GPHN: variants seen among roughly 807,000 people sequenced by gnomAD.
The protein encoded by GPHN is gephyrin.
Under a neutral mutation model 95.5 loss-of-function variants are expected in GPHN, and 17 were observed. The ratio of observed to expected loss-of-function variants is 0.18; its 90% confidence interval spans 0.12 to 0.27. The LOEUF is 0.27. Among genes scored for constraint, GPHN ranks in the 10% least tolerant of loss-of-function variants. The pLI is 1.00. For synonymous variants in GPHN, 320 were observed against 322.5 expected (o/e 0.99, Z 0.08); for missense variants, 660 against 978.1 (o/e 0.67, Z 4.34).
At chr14:67,026,624 C>T (rs1398861935) in intron 10 of GPHN, among the ~76,000 whole-genome samples, 1 of 151,946 alleles carries the variant, frequency 6.6e-6, no homozygotes, top group Admixed American at 6.6e-5. Flanking sequence ...GATTTTATAG[C>T]CCACATTTTT....
At chr14:66,652,365 G>A (rs1477384820) in intron 1 of GPHN, among the ~76,000 whole-genome samples, 7 of 151,856 alleles carry the variant, frequency 4.6e-5, no homozygotes, top group Admixed American at 6.6e-5. Flanking sequence ...AAGCAAATGC[G>A]TGTATACAAA....
the GPHN span, chr14:67,320,085 T>C: frequency 3.4e-6 from 2 of 587,230 alleles, no homozygotes; most frequent in South Asian, 6.8e-5. Flanking sequence ...TATTGTTGTC[T>C]GATTCATTTT....
At position 66,601,933 on chromosome 14, in the gene GPHN, C is replaced by A. The variant is rs185417778; in HGVS notation, c.65-79174C>A. The stretch of plus-strand genomic sequence containing the variant: ...GAGGGAATATTTTAAACCAAATATT[C>A]TAACTTCAATAGGCATCATAGTGAT... On this transcript the variant is annotated intron_variant, in intron 1 of 22. Coordinates refer to ENST00000478722, the MANE Select transcript of GPHN (RefSeq NM_020806.5). Among the ~76,000 whole-genome samples, 456 of 152,062 alleles carry A rather than the reference C, an allele frequency of 3.0e-3. 3 individuals are homozygous for A. Among genetic ancestry groups the A allele is most frequent in the African/African-American group, 0.011 (438 of 41,532 alleles).
At chr14:67,281,893 A>T in the GPHN span, among the ~76,000 whole-genome samples, 3 of 151,770 alleles carry the variant, frequency 2.0e-5, no homozygotes, top group Non-Finnish European at 4.4e-5. Context: ...GGATACCTCT[A>T]TTCCAATGTG....
At chr14:67,555,029 C>G in the GPHN span, among the ~76,000 whole-genome samples, 1 of 152,166 alleles carries the variant, frequency 6.6e-6, no homozygotes, top group East Asian at 1.9e-4. Flanking sequence ...CCGCCTGCCT[C>G]AGCCTCCTGA....
intron 8 of GPHN, among the ~76,000 whole-genome samples, chr14:66,935,956 A>G (rs1159938987): frequency 6.6e-6 from 1 of 152,174 alleles, no homozygotes; most frequent in Non-Finnish European, 1.5e-5. Context: ...CTGAACTGGT[A>G]TTCAAGTCTA....
the GPHN span, among the ~76,000 whole-genome samples, chr14:67,288,001 G>A: frequency 6.6e-6 from 1 of 152,108 alleles, no homozygotes; most frequent in Admixed American, 6.5e-5. Context: ...GGCTGTCTAT[G>A]GCTGCTTGTT....
the GPHN span, among the ~76,000 whole-genome samples, chr14:67,601,429 C>T: frequency 1.3e-5 from 2 of 152,120 alleles, no homozygotes; most frequent in African/African-American, 2.4e-5. Context: ...CCTGGGAGTT[C>T]TGTCTCCCAA....
intron 11 of GPHN, among the ~76,000 whole-genome samples, chr14:67,063,938 G>A (rs1719975510): frequency 6.6e-6 from 1 of 152,092 alleles, no homozygotes; most frequent in African/African-American, 2.4e-5. Context: ...TCTTTTGCCT[G>A]ATTGTCCCTG....
At chr14:67,621,676 C>T in the GPHN span, among the ~76,000 whole-genome samples, 1 of 151,766 alleles carries the variant, frequency 6.6e-6, no homozygotes, top group African/African-American at 2.4e-5. Flanking sequence ...AACTCCTGAC[C>T]TCAGGTGATC....
At chr14:67,073,564 T>C (rs2076387606) in intron 11 of GPHN, among the ~76,000 whole-genome samples, 1 of 152,184 alleles carries the variant, frequency 6.6e-6, no homozygotes, top group Non-Finnish European at 1.5e-5. Context: ...TAGAAATGAA[T>C]ATATGTAACA....
intron 6 of GPHN, 31 bp downstream of exon 6, chr14:66,916,100 T>C (rs374017692): frequency 1.4e-6 from 2 of 1,410,476 alleles, no homozygotes; most frequent in Non-Finnish European, 2.0e-6. Context: ...AATGGTTTAG[T>C]GTAAGAGCTT....
At chr14:67,443,938 C>T in the GPHN span, among the ~76,000 whole-genome samples, 1 of 152,162 alleles carries the variant, frequency 6.6e-6, no homozygotes, top group African/African-American at 2.4e-5. Flanking sequence ...CTGCTCAGGG[C>T]AAATCCCCCT....
the GPHN span, among the ~76,000 whole-genome samples, chr14:67,629,809 C>T: frequency 2.6e-5 from 4 of 152,118 alleles, no homozygotes; most frequent in Non-Finnish European, 5.9e-5. Context: ...CAAGGACTTG[C>T]GTTAGTGAAG....
the GPHN span, chr14:67,385,999 T>A: frequency 6.6e-6 from 1 of 152,232 alleles, no homozygotes; most frequent in South Asian, 2.1e-4. Context: ...ACTTGTTCAC[T>A]GATTTGCCCC....
chr14:67,359,421 C>A, the GPHN span, among the ~76,000 whole-genome samples: 2 of 152,224 alleles, frequency 1.3e-5, no homozygotes, highest in East Asian at 3.9e-4. Flanking sequence ...TCCACAAAAG[C>A]CCGCCGGCCG....
At chr14:67,688,595 A>G in the GPHN span, among the ~76,000 whole-genome samples, 1 of 142,364 alleles carries the variant, frequency 7.0e-6, no homozygotes, top group Non-Finnish European at 1.5e-5. Context: ...TATGCTTTGA[A>G]CTCTTTTTTT....
At chr14:67,159,333 ATTAAT>A (rs2081826742) in intron 18 of GPHN, 77 bp from the exon 19 acceptor site, 1 of 853,126 alleles carries the variant, frequency 1.2e-6, no homozygotes, top group East Asian at 2.4e-5. Flanking sequence ...TTTCAATCTT[ATTAAT>A]TTAATGTTCA....
At chr14:67,579,116 C>T in the GPHN span, 2 of 1,357,954 alleles carry the variant, frequency 1.5e-6, no homozygotes, top group Non-Finnish European at 2.0e-6. Flanking sequence ...ATAATACTCC[C>T]CTCTTCCGTC....
Sources: gnomAD v4.1 joint callset for allele counts (sites outside exome capture counted in the v4.1 genomes callset) on GRCh38, gnomAD v4.1.1 for gene constraint, MANE v1.5 for transcripts, NCBI Gene and HGNC (gene_info 2026-07-23, HGNC 2026-07-21) for gene names.